The following FHIT variants were observed in gnomAD, a reference collection of about 807,000 sequenced individuals.
FHIT encodes the protein fragile histidine triad diadenosine triphosphatase, also known as bis(5'-adenosyl)-triphosphatase.
Under a neutral mutation model 17.9 loss-of-function variants are expected in FHIT, and 19 were observed. The observed-to-expected ratio is 1.06, with a 90% confidence interval of 0.74 to 1.56. FHIT has a LOEUF of 1.56. FHIT is among the 40% of genes most tolerant of loss of function. The pLI, the probability that FHIT is intolerant of heterozygous loss-of-function variation, is 0.00. For synonymous variants in FHIT, 81 were observed against 69.7 expected, an observed-to-expected ratio of 1.16 and a Z score of -0.81; for missense variants, 248 against 189.2, an observed-to-expected ratio of 1.31 and a Z score of -1.82.
intron 3 of FHIT, among the ~76,000 whole-genome samples, chr3:61,001,660 G>C (rs1185085652): frequency 1.3e-5 from 2 of 152,184 alleles, no homozygotes; most frequent in African/African-American, 4.8e-5. Flanking sequence ...AATGGGGTAG[G>C]GAATAGGTGT....
intron 3 of FHIT, among the ~76,000 whole-genome samples, chr3:60,842,085 T>C (rs147861173): frequency 0.016 from 2,501 of 152,172 alleles, 34 homozygotes; most frequent in Non-Finnish European, 0.022. Flanking sequence ...TGTTAGGACA[T>C]CCTAGAGAGT....
chr3:60,734,005 T>C (rs2042084816), intron 4 of FHIT, among the ~76,000 whole-genome samples: 1 of 152,170 alleles, frequency 6.6e-6, no homozygotes, highest in Admixed American at 6.5e-5. Context: ...TAAAACACTT[T>C]ATCTGAATAA....
chr3:59,891,056 T>A (rs1703833977), intron 8 of FHIT, among the ~76,000 whole-genome samples: 1 of 152,200 alleles, frequency 6.6e-6, no homozygotes, highest in Non-Finnish European at 1.5e-5. Context: ...AAGGTCAGAA[T>A]AAGGGTTATG....
chr3:60,645,307 G>C (rs1289569664), intron 4 of FHIT, among the ~76,000 whole-genome samples: 1 of 152,144 alleles, frequency 6.6e-6, no homozygotes, highest in Non-Finnish European at 1.5e-5. Flanking sequence ...CACCCAAGCA[G>C]TTGGCCAGCC....
chr3:61,025,128 A>G (rs2032665745), intron 3 of FHIT, among the ~76,000 whole-genome samples: 1 of 152,212 alleles, frequency 6.6e-6, no homozygotes, highest in Admixed American at 6.5e-5. Flanking sequence ...CAAAATCTGA[A>G]AACATTTCTT....
chr3:60,700,546 T>C (rs2041222456), intron 4 of FHIT, among the ~76,000 whole-genome samples: 1 of 152,136 alleles, frequency 6.6e-6, no homozygotes, highest in South Asian at 2.1e-4. Context: ...TGTCTTGATT[T>C]TTTTTTGCCA....
At chr3:60,159,591 C>T (rs578036134) in intron 5 of FHIT, among the ~76,000 whole-genome samples, 2 of 152,292 alleles carry the variant, frequency 1.3e-5, no homozygotes, top group Admixed American at 6.5e-5. Flanking sequence ...CTTTTTAGTA[C>T]AGTAATAGTA....
At chr3:60,901,839 A>G (rs1429480368) in intron 3 of FHIT, among the ~76,000 whole-genome samples, 1 of 152,184 alleles carries the variant, frequency 6.6e-6, no homozygotes, top group Non-Finnish European at 1.5e-5. Context: ...GGTGAAAAAT[A>G]CACTGAGAAC....
chr3:60,514,465 G>A (rs1029206087), intron 5 of FHIT, among the ~76,000 whole-genome samples: 6 of 152,188 alleles, frequency 3.9e-5, no homozygotes, highest in African/African-American at 1.4e-4. Context: ...AGTGGTCAAG[G>A]GAGCTCCCGT....
At chr3:60,137,744 G>GTTA (rs113006231) in intron 5 of FHIT, among the ~76,000 whole-genome samples, 33,735 of 152,026 alleles carry the variant, frequency 0.22, 5,249 homozygotes, top group African/African-American at 0.44. Flanking sequence ...AGACAAGTCA[G>GTTA]CACTGGATCA....
At chr3:60,480,507 G>A (rs192610889) in intron 5 of FHIT, among the ~76,000 whole-genome samples, 121 of 152,278 alleles carry the variant, frequency 7.9e-4, no homozygotes, top group Non-Finnish European at 8.2e-4. Flanking sequence ...CTTCCACTTA[G>A]GAACCTGTAA....
At chr3:61,052,309 C>T (rs1283846872) in intron 2 of FHIT, among the ~76,000 whole-genome samples, 1 of 152,174 alleles carries the variant, frequency 6.6e-6, no homozygotes, top group African/African-American at 2.4e-5. Flanking sequence ...AACAGTACCA[C>T]CTTACTTATA....
chr3:60,433,188 T>C (rs1166647098), intron 5 of FHIT, among the ~76,000 whole-genome samples: 1 of 152,118 alleles, frequency 6.6e-6, no homozygotes, highest in Non-Finnish European at 1.5e-5. Context: ...CTGTGACTGG[T>C]TAATATCATC....
At chr3:59,888,886 C>A (rs1247715358) in intron 8 of FHIT, among the ~76,000 whole-genome samples, 3 of 152,294 alleles carry the variant, frequency 2.0e-5, no homozygotes, top group East Asian at 3.9e-4. Flanking sequence ...AAGCTGCATC[C>A]AGTGAGGGCC....
intron 4 of FHIT, among the ~76,000 whole-genome samples, chr3:60,628,936 TAGCTTGCCTCTCTC>T (rs60003979): frequency 0.73 from 109,686 of 151,228 alleles, 40,164 homozygotes; most frequent in South Asian, 0.84. Context: ...CTGGCTTTCT[TAGCTTGCCTCTCTC>T]AGCTTGCCTC....
intron 2 of FHIT, among the ~76,000 whole-genome samples, chr3:61,102,857 C>T (rs1448759835): frequency 9.2e-5 from 14 of 151,856 alleles, no homozygotes; most frequent in Non-Finnish European, 7.4e-5. Flanking sequence ...GTTTATAGTA[C>T]TCTCTGATGG....
At chr3:60,441,977 G>A (rs1288664374) in intron 5 of FHIT, among the ~76,000 whole-genome samples, 1 of 149,796 alleles carries the variant, frequency 6.7e-6, no homozygotes, top group East Asian at 2.0e-4. Flanking sequence ...TCCTGCCTTA[G>A]TCTTTCATAT....
chr3:60,782,727 G>A (rs1700435288), intron 4 of FHIT, among the ~76,000 whole-genome samples: 1 of 152,144 alleles, frequency 6.6e-6, no homozygotes, highest in Admixed American at 6.5e-5. Context: ...AATTCTCACA[G>A]CTCTGGAGGC....
At chr3:61,091,361 G>A (rs2035475006) in intron 2 of FHIT, among the ~76,000 whole-genome samples, 1 of 152,170 alleles carries the variant, frequency 6.6e-6, no homozygotes, top group East Asian at 1.9e-4. Context: ...AAGAAGGCAA[G>A]ACACGTAACC....
Sources: gnomAD v4.1 joint callset for allele counts (sites outside exome capture counted in the v4.1 genomes callset) on GRCh38, gnomAD v4.1.1 for gene constraint, MANE v1.5 for transcripts, NCBI Gene and HGNC (gene_info 2026-07-23, HGNC 2026-07-21) for gene names.